The following PRR16 variants were observed in gnomAD, a reference collection of about 807,000 sequenced individuals.
PRR16 encodes the protein protein Largen.
A neutral mutation model predicts 18.2 loss-of-function variants in PRR16; 6 were observed. That is an observed-to-expected ratio of 0.33 (90% CI 0.18 to 0.65). The LOEUF (loss-of-function observed/expected upper bound fraction) is 0.65, where lower values mean the gene tolerates loss of function less well. PRR16 is among the 30% of genes least tolerant of loss of function. The pLI is 0.74. For synonymous variants in PRR16, 151 were observed against 147.8 expected (o/e 1.02, Z -0.16); for missense variants, 412 against 376.6 (o/e 1.09, Z -0.78).
At chr5:120,691,637 A>G (rs945086359), downstream of PRR16, among the ~76,000 whole-genome samples, 1 of 152,310 alleles carries the variant, frequency 6.6e-6, no homozygotes, top group Non-Finnish European at 1.5e-5. Context: ...GATCTGCTCC[A>G]TGGAACCTCT....
intron 1 of PRR16, among the ~76,000 whole-genome samples, chr5:120,608,692 T>C (rs4895267): frequency 0.1 from 15,839 of 152,212 alleles, 1,886 homozygotes; most frequent in African/African-American, 0.3. Context: ...TATAGAATTA[T>C]TTTTCTTTTA....
chr5:120,497,384 A>ATTTTTTT lies in PRR16; in HGVS notation c.159+32756_159+32762dup, dbSNP rs765496177. ...TTGCTTCCCCTGTTTTGATGAACTG[A>ATTTTTTT]TTTTTTTTTTTTTTTTTTTTTTTGG... On this transcript the variant is annotated intron_variant, in intron 1 of 1. Transcript: ENST00000407149. Among the ~76,000 whole-genome samples the ATTTTTTT allele has an allele frequency of 6.2e-4, 52 of 84,154 alleles. 2 individuals carry two copies. Among genetic ancestry groups the ATTTTTTT allele is most frequent in the African/African-American group, 1.4e-3 (25 of 18,342 alleles). 55.2% of individuals were successfully genotyped at this position (84,154 alleles called of 152,430 possible). A position where few individuals can be genotyped will look rare whatever the true frequency, so the allele number is the denominator to read the frequency against.
the PRR16 span, among the ~76,000 whole-genome samples, chr5:120,754,903 T>C: frequency 6.6e-6 from 1 of 151,502 alleles, no homozygotes; most frequent in Non-Finnish European, 1.5e-5. Context: ...AATATTTTAC[T>C]TGATAATGCT....
chr5:120,682,175 T>C (rs77681656), intron 1 of PRR16, among the ~76,000 whole-genome samples: 8,863 of 152,270 alleles, frequency 0.058, 312 homozygotes, highest in South Asian at 0.085. Context: ...AGGTGATCTC[T>C]TCTGTCAGAG....
intron 1 of PRR16, among the ~76,000 whole-genome samples, chr5:120,660,491 T>C (rs1325125958): frequency 6.6e-6 from 1 of 152,080 alleles, no homozygotes; most frequent in Non-Finnish European, 1.5e-5. Flanking sequence ...TTTAACATTT[T>C]AAATTATGAA....
intron 1 of PRR16, among the ~76,000 whole-genome samples, chr5:120,611,785 C>G (rs907208542): frequency 6.6e-6 from 1 of 152,186 alleles, no homozygotes; most frequent in African/African-American, 2.4e-5. Flanking sequence ...GTTGGAGCCC[C>G]CCACACAGAG....
rs1433753817 is a variant in PRR16, at chr5:120,686,267, G to A, written c.473G>A (p.Gly158Asp). 1 of 1,613,938 alleles carries A rather than the reference G, an allele frequency of 6.2e-7. No individual in the cohort carries two copies. Among genetic ancestry groups the A allele is most frequent in the East Asian group, 2.2e-5 (1 of 44,888 alleles). The change falls in exon 2 of 2, where the codon GGC becomes GAC. Residue 158 changes from glycine (G) to aspartate (D), a missense_variant. Coordinates refer to ENST00000407149, the MANE Select transcript of PRR16 (RefSeq NM_001300783.2). ...AATGGCACCCTTCTACGAAATGGAG[G>A]CTTACCAGGTGGACCTAACAAAATT... ...KTNGTLLRNG[G>D]LPGGPNKIPN...
intron 1 of PRR16, among the ~76,000 whole-genome samples, chr5:120,532,026 C>T (rs2112667886): frequency 6.6e-6 from 1 of 152,170 alleles, no homozygotes; most frequent in Middle Eastern, 3.4e-3. Context: ...TTTGGGCTCT[C>T]TTCTCATATT....
At chr5:120,712,607 A>G in the PRR16 span, among the ~76,000 whole-genome samples, 3,403 of 152,310 alleles carry the variant, frequency 0.022, 54 homozygotes, top group Middle Eastern at 0.058. Flanking sequence ...TAACAAACAC[A>G]ATTCAATAGT....
chr5:120,466,725 TA>T (rs1434098969), intron 1 of PRR16, among the ~76,000 whole-genome samples: 1 of 152,106 alleles, frequency 6.6e-6, no homozygotes, highest in Non-Finnish European at 1.5e-5. Flanking sequence ...ATAAGAGGAA[TA>T]AAAAGCAGAG....
the PRR16 span, among the ~76,000 whole-genome samples, chr5:120,719,702 T>C: frequency 1.3e-5 from 2 of 152,106 alleles, no homozygotes; most frequent in Non-Finnish European, 2.9e-5. Flanking sequence ...AGAAAAACTT[T>C]AATTTAAATT....
At chr5:120,774,992 A>G in the PRR16 span, among the ~76,000 whole-genome samples, 2 of 152,128 alleles carry the variant, frequency 1.3e-5, no homozygotes, top group Non-Finnish European at 2.9e-5. Flanking sequence ...CATGCAGCCA[A>G]GCTTCTCTTT....
intron 1 of PRR16, among the ~76,000 whole-genome samples, chr5:120,678,345 T>C (rs910005888): frequency 6.6e-6 from 1 of 152,182 alleles, no homozygotes; most frequent in African/African-American, 2.4e-5. Context: ...ATTAAAGATG[T>C]TGAAAATCAG....
At chr5:120,470,526 T>C (rs1257582370) in intron 1 of PRR16, among the ~76,000 whole-genome samples, 1 of 152,158 alleles carries the variant, frequency 6.6e-6, no homozygotes, top group African/African-American at 2.4e-5. Flanking sequence ...TTGAATGATA[T>C]AGATCGTAAC....
intron 1 of PRR16, among the ~76,000 whole-genome samples, chr5:120,676,404 A>G (rs763114607): frequency 4.7e-4 from 71 of 152,230 alleles, no homozygotes; most frequent in Admixed American, 1.2e-3. Flanking sequence ...GAATTTGGAC[A>G]TGAAAATGGA....
At chr5:120,706,954 G>T in the PRR16 span, among the ~76,000 whole-genome samples, 1 of 152,134 alleles carries the variant, frequency 6.6e-6, no homozygotes, top group African/African-American at 2.4e-5. Flanking sequence ...GGGATATAGG[G>T]ACATTATACA....
intron 1 of PRR16, among the ~76,000 whole-genome samples, chr5:120,526,712 A>G (rs1188733331): frequency 2.0e-5 from 3 of 152,188 alleles, no homozygotes; most frequent in East Asian, 1.9e-4. Flanking sequence ...TCTCTGAAAA[A>G]TCATAGCAAA....
chr5:120,689,493 T>C (rs1199327787), downstream of PRR16, among the ~76,000 whole-genome samples: 1 of 152,152 alleles, frequency 6.6e-6, no homozygotes, highest in East Asian at 1.9e-4. Context: ...TTCCTCTTCC[T>C]AAAGACCATA....
chr5:120,693,183 A>G, the PRR16 span, among the ~76,000 whole-genome samples: 1 of 152,182 alleles, frequency 6.6e-6, no homozygotes, highest in Non-Finnish European at 1.5e-5. Context: ...TCGAAACAAG[A>G]AAGCCCGTGT....
Sources: allele counts gnomAD v4.1 joint callset (sites outside exome capture counted in the v4.1 genomes callset), GRCh38; gene constraint gnomAD v4.1.1; transcripts MANE v1.5; gene names NCBI Gene and HGNC (gene_info 2026-07-23, HGNC 2026-07-21).